Variants in MACF1 observed in about 807,000 individuals in gnomAD.
MACF1 encodes microtubule actin crosslinking factor 1, also known as microtubule-actin cross-linking factor 1.
In MACF1, 193 loss-of-function variants were observed where a neutral mutation model predicts 854.8. That is an observed-to-expected ratio of 0.23 (90% CI 0.20 to 0.25). The LOEUF (loss-of-function observed/expected upper bound fraction) is 0.25, where lower values mean the gene tolerates loss of function less well. Among genes scored for constraint, MACF1 ranks in the 10% least tolerant of loss-of-function variants. MACF1 has a pLI of 1.00. For synonymous variants in MACF1, 3,185 were observed against 3,226.7 expected (o/e 0.99, Z 0.44); for missense variants, 7,722 against 8,929.1 (o/e 0.86, Z 5.45).
chr1:39,301,486 C>A (rs566366247), intron 22 of MACF1, among the ~76,000 whole-genome samples: 2 of 151,880 alleles, frequency 1.3e-5, no homozygotes, highest in African/African-American at 4.8e-5. Flanking sequence ...AATGCAGTGG[C>A]GCCATCTCAG....
intron 15 of MACF1, among the ~76,000 whole-genome samples, chr1:39,291,235 C>G (rs560324348): frequency 2.2e-4 from 34 of 152,290 alleles, no homozygotes; most frequent in African/African-American, 7.0e-4. Context: ...CCTCAGCCCC[C>G]CAAAGTGCTG....
chr1:39,278,040 A>T (rs2252549), intron 6 of MACF1, among the ~76,000 whole-genome samples: 132,811 of 152,218 alleles, frequency 0.87, 59,133 homozygotes, highest in Non-Finnish European at 0.96. Flanking sequence ...GAAGTGTGAG[A>T]TGAAAGGAAA....
rs2148402217 is a variant in MACF1, at chr1:39,293,503, T to C, written c.2038T>C (p.Phe680Leu). 1.9e-6 allele frequency: 3 copies of C among 1,614,016 alleles called. No individual in the cohort carries two copies. In the Middle Eastern group the frequency reaches 5.0e-4, roughly 266 times the overall value. Residue 680 changes from phenylalanine (F) to leucine (L), a missense_variant, in exon 18 of 101, where the codon TTT becomes CTT. Phe to Leu is a conservative substitution (Grantham distance 22). This residue lies in a region of MACF1 where 1,137 missense variants were observed against 1,263.0 expected (regional missense o/e 0.90). Coordinates refer to ENST00000564288, the MANE Select transcript of MACF1 (RefSeq NM_001394062.1). ...RMRHLQSLHK[F>L]VSRATAELIW... ...GAGGCACCTTCAGAGCCTGCATAAA[T>C]TTGTTTCCAGAGCTACAGCTGAGTT...
chr1:39,184,939 C>G (rs1407820628), intron 2 of MACF1, among the ~76,000 whole-genome samples: 1 of 152,158 alleles, frequency 6.6e-6, no homozygotes, highest in African/African-American at 2.4e-5. Context: ...GAAAAAGGGA[C>G]TTTTAGGCTG....
At chr1:39,153,076 G>A (rs1643616287) in intron 2 of MACF1, among the ~76,000 whole-genome samples, 1 of 152,190 alleles carries the variant, frequency 6.6e-6, no homozygotes. Flanking sequence ...AACTGTTCTT[G>A]CGGGTGGTAG....
At position 39,468,760 on chromosome 1, in the gene MACF1, C is replaced by T. The variant is rs779928071; in HGVS notation, c.21889+28C>T. ...AAGGAACCATTCTAAGCATGAATTA[C>T]GTGTTAGGTATGCCCCCAGCAGTGA... On this transcript the variant is annotated intron_variant, in intron 96 of 100. Coordinates refer to ENST00000564288, the MANE Select transcript of MACF1 (RefSeq NM_001394062.1). The T allele has an allele frequency of 2.7e-5, 43 of 1,574,086 alleles. No individual in the cohort carries two copies. The South Asian group carries it at 3.5e-4, about 13-fold the overall frequency.
intron 2 of MACF1, among the ~76,000 whole-genome samples, chr1:39,088,237 C>G (rs927505466): frequency 2.6e-5 from 4 of 152,054 alleles, no homozygotes; most frequent in Admixed American, 2.0e-4. Context: ...CTCCCAAAGT[C>G]CTGGGATTAT....
chr1:39,393,194 A>ATATATATATAT (rs1354096240), intron 58 of MACF1, among the ~76,000 whole-genome samples: 26 of 79,238 alleles, frequency 3.3e-4, no homozygotes, highest in African/African-American at 4.5e-4. Context: ...AAAAAAAAAA[A>ATATATATATAT]AAATATATAT....
chr1:39,471,140 T>G (rs956094986), intron 97 of MACF1, among the ~76,000 whole-genome samples: 9 of 152,150 alleles, frequency 5.9e-5, no homozygotes, highest in Non-Finnish European at 1.3e-4. Context: ...TGGAGAGAAC[T>G]CTCCAGAAGT....
chr1:39,345,839 G>A (rs1647033989), intron 40 of MACF1, among the ~76,000 whole-genome samples: 1 of 152,112 alleles, frequency 6.6e-6, no homozygotes, highest in Non-Finnish European at 1.5e-5. Context: ...AGGTTAAGGA[G>A]GGCAGATCAC....
intron 51 of MACF1, among the ~76,000 whole-genome samples, chr1:39,371,567 G>A (rs868848622): frequency 4.5e-4 from 69 of 152,192 alleles, no homozygotes; most frequent in African/African-American, 1.4e-3. Flanking sequence ...GAGACTTAAC[G>A]TGATGTGGTA....
Position 39,317,366 on chromosome 1 carries a change from G to T in MACF1, c.3741G>T (p.Leu1247=). The change falls in exon 29 of 101, where the codon CTG becomes CTT. Residue 1247 remains leucine, a synonymous_variant. Coordinates refer to ENST00000564288, the MANE Select transcript of MACF1 (RefSeq NM_001394062.1). ...LERYQEKGSQ[L]QERWHRVIAQ... Reference sequence around the variant, plus strand: ...GCTATCAGGAAAAAGGCTCCCAGCTGCAGGAGCGTTGGCACCGAGTCATTG... The same window carrying T: ...GCTATCAGGAAAAAGGCTCCCAGCTTCAGGAGCGTTGGCACCGAGTCATTG... 6.2e-7 allele frequency: 1 copy of T among 1,613,436 alleles called. No homozygotes were observed. Among genetic ancestry groups the T allele is most frequent in the South Asian group, 1.1e-5 (1 of 91,038 alleles).
intron 2 of MACF1, among the ~76,000 whole-genome samples, chr1:39,192,818 G>T (rs967610512): frequency 6.6e-6 from 1 of 152,192 alleles, no homozygotes; most frequent in African/African-American, 2.4e-5. Flanking sequence ...AACAAAAGGC[G>T]TGAACTTGTA....
rs1049761929 is a variant in MACF1, at chr1:39,422,821, A to G, written c.16070A>G (p.Asp5357Gly). The G allele has an allele frequency of 6.2e-7, 1 of 1,614,102 alleles. No individual in the cohort carries two copies. The highest frequency in any genetic ancestry group is 1.3e-5 in the African/African-American group (1 of 74,940). ...GAGCCATTGCTCAGCTGGTTGGCAG[A>G]TACCGAGGAGCTCATAGCCAATCAG... ...ALEPLLSWLA[D>G]TEELIANQKP... Residue 5357 changes from aspartate to glycine, a missense_variant, in exon 60 of 101, where the codon GAT becomes GGT. Physicochemically the swap from Asp to Gly is moderately conservative, Grantham distance 94. Coordinates refer to ENST00000564288, the MANE Select transcript of MACF1 (RefSeq NM_001394062.1).
At chr1:39,457,695 A>AGT (rs2124013036) in intron 89 of MACF1, 1 of 152,504 alleles carries the variant, frequency 6.6e-6, no homozygotes, top group Non-Finnish European at 1.5e-5. Flanking sequence ...CCAGCCAGTG[A>AGT]GTGGAGGGGT....
chr1:39,268,604 T>C (rs1254215054), intron 6 of MACF1: 7 of 1,190,588 alleles, frequency 5.9e-6, no homozygotes, highest in Non-Finnish European at 7.4e-6. Context: ...TGTTTTTAAA[T>C]GTGCATCGAA....
intron 94 of MACF1, chr1:39,463,978 C>T: frequency 3.4e-6 from 1 of 297,092 alleles, no homozygotes; most frequent in Non-Finnish European, 6.7e-6. Context: ...CCTTTGGAAA[C>T]AATTATATCT....
At position 39,353,182 on chromosome 1, in the gene MACF1, G is replaced by C. The variant is rs1288331334; in HGVS notation, c.11375G>C (p.Gly3792Ala). 2 of 1,611,170 alleles carry C rather than the reference G, an allele frequency of 1.2e-6. No homozygotes were observed. The highest frequency in any genetic ancestry group is 1.7e-5 in the Admixed American group (1 of 59,946). ...TTGGACACCACTGATGGTTACATGG[G>C]GGTGAATCAAGCCCCAGAGAAACTG... The part of the protein sequence containing the change: ...GALDTTDGYM[G>A]VNQAPEKLDK... The change falls in exon 44 of 101, where the codon GGG becomes GCG. Residue 3792 changes from glycine (G) to alanine (A), a missense_variant. Gly to Ala is a moderately conservative substitution (Grantham distance 60). Coordinates refer to ENST00000564288, the MANE Select transcript of MACF1 (RefSeq NM_001394062.1).
chr1:39,248,307 T>A (rs1163324811), intron 2 of MACF1, among the ~76,000 whole-genome samples: 2 of 152,188 alleles, frequency 1.3e-5, no homozygotes, highest in Admixed American at 6.5e-5. Flanking sequence ...TTTCTTTTTT[T>A]TTATTATTTT....
Sources: gnomAD v4.1 joint callset for allele counts (sites outside exome capture counted in the v4.1 genomes callset) on GRCh38, gnomAD v4.1.1 for gene constraint, gnomAD v4.1.1 regional missense constraint, MANE v1.5 for transcripts, NCBI Gene and HGNC (gene_info 2026-07-23, HGNC 2026-07-21) for gene names.